The following ZFAND3 variants were observed in gnomAD, a reference collection of about 807,000 sequenced individuals.
The protein encoded by ZFAND3 is zinc finger AN1-type containing 3.
A neutral mutation model predicts 29.6 loss-of-function variants in ZFAND3; 10 were observed. The ratio of observed to expected loss-of-function variants is 0.34; its 90% confidence interval spans 0.21 to 0.57. ZFAND3 has a LOEUF of 0.57. Ranked by LOEUF, ZFAND3 falls within the 20% of genes least tolerant of loss-of-function variation. ZFAND3 has a pLI of 0.86. For missense variants in ZFAND3, 230 were observed against 304.5 expected (o/e 0.76, Z 1.82); for synonymous variants, 128 against 112.6 (o/e 1.14, Z -0.87).
At chr6:37,972,593 A>G (rs1016695353) in intron 2 of ZFAND3, among the ~76,000 whole-genome samples, 2 of 152,186 alleles carry the variant, frequency 1.3e-5, no homozygotes, top group African/African-American at 2.4e-5. Flanking sequence ...GTCTCACACA[A>G]CAGCTATTAT....
chr6:37,954,232 G>T (rs1762047476), intron 2 of ZFAND3, among the ~76,000 whole-genome samples: 1 of 55,424 alleles, frequency 1.8e-5, no homozygotes, highest in Non-Finnish European at 5.3e-5. Flanking sequence ...AGTTCATTGA[G>T]ATTTTTTGGA....
At chr6:38,116,525 C>T (rs1347579860) in intron 4 of ZFAND3, 47 bp from the exon 5 acceptor site, 8 of 1,564,524 alleles carry the variant, frequency 5.1e-6, no homozygotes, top group African/African-American at 4.1e-5. Flanking sequence ...ACTGTGCTTG[C>T]CAGGCCAGGC....
At chr6:38,019,800 C>A (rs1186199262) in intron 2 of ZFAND3, among the ~76,000 whole-genome samples, 1 of 152,182 alleles carries the variant, frequency 6.6e-6, no homozygotes, top group African/African-American at 2.4e-5. Flanking sequence ...CGGCTCACTG[C>A]AACCTCTGCC....
chr6:38,048,293 A>G (rs573706757), intron 2 of ZFAND3, among the ~76,000 whole-genome samples: 12 of 152,086 alleles, frequency 7.9e-5, no homozygotes, highest in Non-Finnish European at 1.0e-4. Flanking sequence ...ATGAGCCACC[A>G]TGCCCGGCCC....
intron 5 of ZFAND3, among the ~76,000 whole-genome samples, chr6:38,128,010 T>A (rs1047197384): frequency 4.6e-5 from 7 of 152,212 alleles, no homozygotes; most frequent in Middle Eastern, 3.2e-3. Flanking sequence ...CTCTCTTAAC[T>A]TCTTCTTGTT....
At chr6:37,908,763 A>C (rs1021827066) in intron 1 of ZFAND3, among the ~76,000 whole-genome samples, 1 of 150,854 alleles carries the variant, frequency 6.6e-6, no homozygotes, top group African/African-American at 2.4e-5. Flanking sequence ...AAAAAAAAGA[A>C]AAGTTTGATC....
chr6:37,825,951 A>G (rs1048106114), intron 1 of ZFAND3, among the ~76,000 whole-genome samples: 2 of 152,196 alleles, frequency 1.3e-5, no homozygotes, highest in East Asian at 1.9e-4. Flanking sequence ...AAAGTGATGT[A>G]GTATTTTGAA....
intron 1 of ZFAND3, among the ~76,000 whole-genome samples, chr6:37,885,887 T>G (rs1764980466): frequency 6.6e-6 from 1 of 151,720 alleles, no homozygotes; most frequent in African/African-American, 2.4e-5. Context: ...GGATTACACG[T>G]GTGAGCCCAG....
intron 2 of ZFAND3, among the ~76,000 whole-genome samples, chr6:38,057,136 A>G (rs948214778): frequency 6.6e-6 from 1 of 152,202 alleles, no homozygotes; most frequent in Non-Finnish European, 1.5e-5. Flanking sequence ...TATAAAATAT[A>G]TCAAGGGAAC....
At chr6:37,852,877 A>G (rs1764308789) in intron 1 of ZFAND3, among the ~76,000 whole-genome samples, 1 of 152,020 alleles carries the variant, frequency 6.6e-6, no homozygotes, top group East Asian at 1.9e-4. Flanking sequence ...CACCATGCCC[A>G]GCCTTTATGT....
At chr6:38,040,553 A>C (rs1487391035) in intron 2 of ZFAND3, among the ~76,000 whole-genome samples, 1 of 152,218 alleles carries the variant, frequency 6.6e-6, no homozygotes, top group Non-Finnish European at 1.5e-5. Flanking sequence ...GAAGTACAGC[A>C]TTTAAAAACA....
intron 5 of ZFAND3, among the ~76,000 whole-genome samples, chr6:38,151,877 A>G (rs1766233885): frequency 6.6e-6 from 1 of 152,050 alleles, no homozygotes; most frequent in Non-Finnish European, 1.5e-5. Flanking sequence ...TGCCCGAGCC[A>G]AGCAGAGAGC....
intron 2 of ZFAND3, among the ~76,000 whole-genome samples, chr6:37,963,380 C>G (rs1016145120): frequency 6.6e-6 from 1 of 152,058 alleles, no homozygotes; most frequent in African/African-American, 2.4e-5. Context: ...CTATTAGTGC[C>G]TACATAGAAA....
chr6:37,821,146 C>G (rs1162513516), intron 1 of ZFAND3, among the ~76,000 whole-genome samples: 1 of 152,134 alleles, frequency 6.6e-6, no homozygotes, highest in Non-Finnish European at 1.5e-5. Context: ...TTGCTATCTC[C>G]CATATTGTAG....
rs184561533 is a variant in ZFAND3, at chr6:37,922,677, G to T, written c.72-7282G>T. Among the ~76,000 whole-genome samples, 23 of 152,258 alleles carry T rather than the reference G, an allele frequency of 1.5e-4. No individual in the cohort carries two copies. The East Asian group carries it at 4.2e-3, about 28-fold the overall frequency. ...ATATGGTATAGCCTGTTGCTCCTAG[G>T]CTACAAACCTGTAGAACATGTTACT... On this transcript the variant is annotated intron_variant, in intron 1 of 5. Coordinates refer to ENST00000287218, the MANE Select transcript of ZFAND3 (RefSeq NM_021943.3).
chr6:37,859,868 T>G (rs978222806), intron 1 of ZFAND3, among the ~76,000 whole-genome samples: 1 of 149,700 alleles, frequency 6.7e-6, no homozygotes, highest in Non-Finnish European at 1.5e-5. Context: ...GTGGGTTTTT[T>G]TTTTTTTTCT....
At chr6:37,953,142 G>T (rs1173968315) in intron 2 of ZFAND3, among the ~76,000 whole-genome samples, 1 of 151,924 alleles carries the variant, frequency 6.6e-6, no homozygotes, top group Non-Finnish European at 1.5e-5. Context: ...TTGGTATAAT[G>T]AAGTTTAAAT....
At position 38,072,551 on chromosome 6, in the gene ZFAND3, C is replaced by T. The variant is rs187607950; in HGVS notation, c.296-9841C>T. Among the ~76,000 whole-genome samples, 5 of 152,166 alleles carry T rather than the reference C, an allele frequency of 3.3e-5. No homozygotes were observed. In the East Asian group the frequency reaches 5.8e-4, roughly 18 times the overall value. ...TTCACACAGCTTTAGCTCTTGCACT[C>T]GTCATATTTTTATTTTGTGTAGGTA... On this transcript the variant is annotated intron_variant, in intron 3 of 5. Transcript: ENST00000287218.
At chr6:37,851,750 T>C (rs1764285975) in intron 1 of ZFAND3, among the ~76,000 whole-genome samples, 1 of 152,212 alleles carries the variant, frequency 6.6e-6, no homozygotes, top group South Asian at 2.1e-4. Context: ...AAATACCTTA[T>C]ATCTAAGGGG....
Sources: allele counts gnomAD v4.1 joint callset (sites outside exome capture counted in the v4.1 genomes callset), GRCh38; gene constraint gnomAD v4.1.1; transcripts MANE v1.5; gene names NCBI Gene and HGNC (gene_info 2026-07-23, HGNC 2026-07-21).